Variants in COL4A1 observed in about 807,000 individuals in gnomAD.
COL4A1 encodes collagen alpha-1(IV) chain.
A neutral mutation model predicts 216.6 loss-of-function variants in COL4A1; 40 were observed. That is an observed-to-expected ratio of 0.18 (90% confidence interval 0.14 to 0.24). COL4A1 has a LOEUF of 0.24. Ranked by LOEUF, COL4A1 falls within the 10% of genes least tolerant of loss-of-function variation. The probability of loss-of-function intolerance (pLI) is 1.00; values close to 1 mark genes in which losing one functional copy is unlikely to be tolerated. For missense variants in COL4A1, 1,628 were observed against 2,196.8 expected, an observed-to-expected ratio of 0.74 and a Z score of 5.18; for synonymous variants, 839 against 810.7, an observed-to-expected ratio of 1.03 and a Z score of -0.59.
chr13:110,231,528 G>A (rs952158143), intron 2 of COL4A1, among the ~76,000 whole-genome samples: 6 of 152,150 alleles, frequency 3.9e-5, no homozygotes, highest in South Asian at 4.1e-4. Flanking sequence ...TCTCGCAGCC[G>A]TGCCTTCTCC....
chr13:110,178,129 G>A lies in COL4A1; in HGVS notation c.2561C>T (p.Thr854Met), dbSNP rs753493941. The change falls in exon 32 of 52, where the codon ACG (threonine) becomes ATG (methionine). Residue 854 changes from threonine (T) to methionine (M), a missense_variant. Thr to Met is a moderately conservative substitution (Grantham distance 81). This residue lies in a region of COL4A1 where 701 missense variants were observed against 892.5 expected (regional missense o/e 0.79). Coordinates refer to ENST00000375820, the MANE Select transcript of COL4A1 (RefSeq NM_001845.6). Reference protein sequence around the residue: ...DKGAQGLPGITGQSGLPGLPG... With the variant: ...DKGAQGLPGIMGQSGLPGLPG... ...AAGGCCAGGGAGCCCCGACTGTCCC[G>A]TTATGCCAGGGAGTCCTTGAGCCCC... The A allele has an allele frequency of 7.4e-6, 12 of 1,614,168 alleles. No homozygotes were observed. The East Asian group carries it at 1.3e-4, about 18-fold the overall frequency.
chr13:110,192,360 A>C, intron 23 of COL4A1, 76 bp from the exon 24 acceptor site: 21 of 1,371,456 alleles, frequency 1.5e-5, no homozygotes, highest in Non-Finnish European at 2.2e-5. Flanking sequence ...CTTAAGACTC[A>C]AAAGCATAAA....
chr13:110,279,872 G>A (rs1883561914), intron 1 of COL4A1, among the ~76,000 whole-genome samples: 1 of 152,196 alleles, frequency 6.6e-6, no homozygotes, highest in Non-Finnish European at 1.5e-5. Flanking sequence ...CATCGAGAGG[G>A]CTGGCTGCCC....
At chr13:110,273,819 G>C (rs1883337915) in intron 1 of COL4A1, among the ~76,000 whole-genome samples, 1 of 152,156 alleles carries the variant, frequency 6.6e-6, no homozygotes, top group Admixed American at 6.5e-5. Context: ...GTCAAGTGAG[G>C]CTGAAACTTG....
chr13:110,183,156 T>A (rs190545268), intron 27 of COL4A1, 28 bp downstream of exon 27: 1 of 1,613,330 alleles, frequency 6.2e-7, no homozygotes, highest in African/African-American at 1.3e-5. Context: ...TCTCGTGGTA[T>A]CCCGGTGAGC....
At chr13:110,178,820 T>C (rs1878007887) in intron 31 of COL4A1, 103 bp downstream of exon 31, 2 of 843,062 alleles carry the variant, frequency 2.4e-6, no homozygotes, top group Non-Finnish European at 3.9e-6. Context: ...TTTTATCTCA[T>C]ACATTGTGCT....
At chr13:110,162,070 A>T (rs1877109897) in intron 48 of COL4A1, 160 bp downstream of exon 48, 1 of 747,742 alleles carries the variant, frequency 1.3e-6, no homozygotes, top group Non-Finnish European at 2.4e-6. Flanking sequence ...AATGGAGGGA[A>T]ATGGGGCCGG....
Position 110,268,048 on chromosome 13 carries a change from A to G in COL4A1, c.85-25314T>C, listed in dbSNP as rs930884658. Among the ~76,000 whole-genome samples, 3 of 152,212 alleles carry G rather than the reference A, an allele frequency of 2.0e-5. No individual in the cohort carries two copies. Among genetic ancestry groups the G allele is most frequent in the Non-Finnish European group, 4.4e-5 (3 of 68,042 alleles). ...AATACAGAAAAAAGAAACTCTCTGG[A>G]AAGCAGTGGTCACAAAGCTCATGAC... On this transcript the variant is annotated intron_variant, in intron 1 of 51. Coordinates refer to ENST00000375820, the MANE Select transcript of COL4A1 (RefSeq NM_001845.6). This position sits in a 1 kb window ranked among gnomAD's most constrained non-coding sequence, Gnocchi z 4.1.
intron 1 of COL4A1, among the ~76,000 whole-genome samples, chr13:110,275,626 T>TGCC (rs1232493418): frequency 6.6e-6 from 1 of 152,194 alleles, no homozygotes. Context: ...TATTCATAAC[T>TGCC]GCCAACGCTC....
At chr13:110,199,188 C>A (rs896148347) in intron 20 of COL4A1, among the ~76,000 whole-genome samples, 1 of 152,192 alleles carries the variant, frequency 6.6e-6, no homozygotes, top group Non-Finnish European at 1.5e-5. Flanking sequence ...GAGCTGAGGC[C>A]GGACGCAGGG....
In COL4A1 at chr13:110,207,635, T is replaced by G; in HGVS notation, c.694-146A>C. The G allele has an allele frequency of 1.5e-6, 1 of 667,766 alleles. No homozygotes were observed. Among genetic ancestry groups the G allele is most frequent in the South Asian group, 1.9e-5 (1 of 52,630 alleles). The allele number at this position is 667,766 out of a possible 1,614,324, so 41.4% of individuals were successfully genotyped here. A position where few individuals can be genotyped will look rare whatever the true frequency, so the allele number is the denominator to read the frequency against. On this transcript the variant is annotated intron_variant, in intron 12 of 51. Transcript: ENST00000375820. This position sits in a 1 kb window ranked among gnomAD's most constrained non-coding sequence, Gnocchi z 4.4. Reference sequence around the variant, plus strand: ...ATTCTGTTCTAATCATCCTTGCCTCTGCAGAAAATCAAATTTCAATAGGAA... The same window carrying G: ...ATTCTGTTCTAATCATCCTTGCCTCGGCAGAAAATCAAATTTCAATAGGAA...
intron 2 of COL4A1, among the ~76,000 whole-genome samples, chr13:110,214,889 G>C (rs1442058508): frequency 1.3e-5 from 2 of 152,208 alleles, no homozygotes; most frequent in Non-Finnish European, 2.9e-5. Context: ...GAAACAGATA[G>C]CAACGACTAC....
intron 1 of COL4A1, among the ~76,000 whole-genome samples, chr13:110,270,686 C>T (rs967917456): frequency 1.1e-4 from 16 of 152,320 alleles, no homozygotes; most frequent in South Asian, 4.1e-4. Context: ...TCACCACACA[C>T]GTGCCATGGC....
At chr13:110,201,683 C>T (rs375319813) in intron 18 of COL4A1, 161 bp from the exon 19 acceptor site, 116 of 789,956 alleles carry the variant, frequency 1.5e-4, no homozygotes, top group Admixed American at 6.0e-4. Flanking sequence ...AGGGGATAAG[C>T]CTCTAAAACA....
chr13:110,182,952 C>G (rs1278590817), intron 28 of COL4A1, 41 bp downstream of exon 28: 1 of 1,569,044 alleles, frequency 6.4e-7, no homozygotes, highest in Admixed American at 1.8e-5. Context: ...TCACAGAAGT[C>G]ACAGGTGGAC....
chr13:110,225,241 TC>T (rs751764875), intron 2 of COL4A1, among the ~76,000 whole-genome samples: 1 of 151,942 alleles, frequency 6.6e-6, no homozygotes, highest in Non-Finnish European at 1.5e-5. Flanking sequence ...TCTCGTTCCC[TC>T]CCCCCAGCAC....
At chr13:110,213,086 G>A (rs1188682351) in intron 4 of COL4A1, among the ~76,000 whole-genome samples, 1 of 152,132 alleles carries the variant, frequency 6.6e-6, no homozygotes, top group South Asian at 2.1e-4. Context: ...AAAGGCATAA[G>A]AGTGATACAA....
chr13:110,292,948 G>A (rs549593318), intron 1 of COL4A1, among the ~76,000 whole-genome samples: 4 of 152,162 alleles, frequency 2.6e-5, no homozygotes, highest in South Asian at 2.1e-4. Flanking sequence ...AAGATATCAC[G>A]CCTCAAATTC....
chr13:110,226,324 T>C (rs1438121998), intron 2 of COL4A1, among the ~76,000 whole-genome samples: 1 of 152,236 alleles, frequency 6.6e-6, no homozygotes, highest in African/African-American at 2.4e-5. Flanking sequence ...GAACATTCCA[T>C]TTATTCTGTC....
Sources: allele counts gnomAD v4.1 joint callset (sites outside exome capture counted in the v4.1 genomes callset), GRCh38; gene constraint gnomAD v4.1.1; regional missense constraint gnomAD v4.1.1; non-coding constraint Gnocchi (gnomAD v3.1); transcripts MANE v1.5; gene names NCBI Gene and HGNC (gene_info 2026-07-23, HGNC 2026-07-21).